The following RPS6KA2 variants were observed in gnomAD, a reference collection of about 807,000 sequenced individuals.
The protein encoded by RPS6KA2 is ribosomal protein S6 kinase A2, also known as ribosomal protein S6 kinase alpha-2.
RPS6KA2 carries 42 observed loss-of-function variants against 91.8 expected under a neutral mutation model. That is an observed-to-expected ratio of 0.46 (90% confidence interval 0.36 to 0.59). The LOEUF (loss-of-function observed/expected upper bound fraction) is 0.59, where lower values mean the gene tolerates loss of function less well. RPS6KA2 is among the 20% of genes least tolerant of loss of function. The pLI is 0.00. For missense variants in RPS6KA2, 798 were observed against 978.5 expected (o/e 0.82, Z 2.46); for synonymous variants, 414 against 393.6 (o/e 1.05, Z -0.61).
intron 1 of RPS6KA2, among the ~76,000 whole-genome samples, chr6:166,573,759 G>A (rs904671021): frequency 5.3e-5 from 8 of 152,256 alleles, no homozygotes; most frequent in African/African-American, 1.9e-4. Context: ...CATTGGCTGC[G>A]TGGTGAAACA....
chr6:166,822,788 CCAATGAATGAATGAAT>C (rs535776452), intron 2 of RPS6KA2, among the ~76,000 whole-genome samples: 1,997 of 112,074 alleles, frequency 0.018, 47 homozygotes, highest in African/African-American at 0.059. Context: ...CACGTGTTTT[CCAATGAATGAATGAAT>C]GAATGAATGA....
intron 2 of RPS6KA2, among the ~76,000 whole-genome samples, chr6:166,756,833 C>T (rs947904049): frequency 5.3e-5 from 8 of 151,912 alleles, no homozygotes; most frequent in African/African-American, 1.2e-4. Flanking sequence ...GCAACAACAG[C>T]GAAACTCCGT....
chr6:166,778,653 C>T (rs1329829363), intron 2 of RPS6KA2, among the ~76,000 whole-genome samples: 1 of 152,186 alleles, frequency 6.6e-6, no homozygotes, highest in Non-Finnish European at 1.5e-5. Context: ...ATAGTCCCAG[C>T]TACTCGGGAG....
intron 1 of RPS6KA2, among the ~76,000 whole-genome samples, chr6:166,546,812 G>A (rs1783842640): frequency 6.6e-6 from 1 of 152,200 alleles, no homozygotes; most frequent in Non-Finnish European, 1.5e-5. Flanking sequence ...ACCAGAATAA[G>A]TTGATGGCTG....
At chr6:166,747,968 G>A (rs543063680) in intron 2 of RPS6KA2, among the ~76,000 whole-genome samples, 4 of 152,236 alleles carry the variant, frequency 2.6e-5, no homozygotes, top group Admixed American at 1.3e-4. Flanking sequence ...GTGTGTGCTT[G>A]ACATTCTGCC....
chr6:166,597,487 G>T (rs1009487522), intron 1 of RPS6KA2, among the ~76,000 whole-genome samples: 5 of 152,240 alleles, frequency 3.3e-5, no homozygotes, highest in African/African-American at 1.2e-4. Flanking sequence ...CAGGGTGGAG[G>T]AGGAACTGGC....
chr6:166,486,874 G>C (rs1781431204), intron 10 of RPS6KA2, among the ~76,000 whole-genome samples: 1 of 151,754 alleles, frequency 6.6e-6, no homozygotes, highest in Admixed American at 6.6e-5. Flanking sequence ...GTGGGGGTGG[G>C]GATGCGCTAA....
rs144091725 is a variant in RPS6KA2 at position 166,477,996 on chromosome 6, C to T, written c.908-8091G>A. On this transcript the variant is annotated intron_variant, in intron 10 of 20. Transcript: ENST00000265678. ...GATCTGAATTGTTGGCTCTCATGTACGTTTGGATGAATAAATACGTCCAGC... is the reference window on the plus strand; with the variant it reads ...GATCTGAATTGTTGGCTCTCATGTATGTTTGGATGAATAAATACGTCCAGC... 1.5e-3 allele frequency among the ~76,000 whole-genome samples: 224 copies of T among 152,320 alleles called. 1 individual carries two copies. The highest frequency in any genetic ancestry group is 4.9e-3 in the African/African-American group (205 of 41,572).
chr6:166,812,419 C>T (rs183793744), intron 2 of RPS6KA2, among the ~76,000 whole-genome samples: 1 of 152,308 alleles, frequency 6.6e-6, no homozygotes, highest in Non-Finnish European at 1.5e-5. Context: ...CCCTGCCCTC[C>T]TCCCACAGCC....
chr6:166,445,707 C>T lies in RPS6KA2; in HGVS notation c.1332+3017G>A, dbSNP rs549455522. On this transcript the variant is annotated intron_variant, in intron 14 of 20. Coordinates refer to ENST00000265678, the MANE Select transcript of RPS6KA2 (RefSeq NM_021135.6). The surrounding 1 kb of genome is among the most constrained non-coding windows in gnomAD (Gnocchi z 4.5). ...TCGGTGGGGACATTTCTGGGTCATC[C>T]CTGCCATTGAATGGGAGGATGCCCT... is the stretch of plus-strand genomic sequence containing the variant. 6.7e-4 allele frequency among the ~76,000 whole-genome samples: 102 copies of T among 152,262 alleles called. No homozygotes were observed. Among genetic ancestry groups the T allele is most frequent in the African/African-American group, 2.4e-3 (101 of 41,540 alleles).
rs745891617 is a variant in RPS6KA2 at position 166,858,073 on chromosome 6, G to C, written c.123+127C>G. 22 of 727,972 alleles carry C rather than the reference G, an allele frequency of 3.0e-5. 1 individual carries two copies. Among genetic ancestry groups the C allele is most frequent in the South Asian group, 6.2e-5 (4 of 64,070 alleles). 45.1% of individuals were successfully genotyped at this position (727,972 alleles called of 1,614,324 possible). A position where few individuals can be genotyped will look rare whatever the true frequency, so the allele number is the denominator to read the frequency against. ...ACACGTTTGTGCATGTGTATGTATA[G>C]AGACACATATGTCACTAAAATAACT... On this transcript the variant is annotated intron_variant, in intron 2 of 21. Coordinates refer to the RPS6KA2 transcript ENST00000503859.
At chr6:166,787,582 A>C (rs960370484) in intron 2 of RPS6KA2, among the ~76,000 whole-genome samples, 2 of 152,162 alleles carry the variant, frequency 1.3e-5, no homozygotes, top group African/African-American at 4.8e-5. Flanking sequence ...AATTTATTTT[A>C]AGCATTTATA....
chr6:166,749,931 G>C (rs1050276090), intron 2 of RPS6KA2, among the ~76,000 whole-genome samples: 1 of 151,616 alleles, frequency 6.6e-6, no homozygotes, highest in Non-Finnish European at 1.5e-5. Context: ...GGGGAAGGGG[G>C]ATACTGAGTG....
rs568471500 is a variant in RPS6KA2 at position 166,494,938 on chromosome 6, C to T, written c.747+3570G>A. 4.6e-5 allele frequency among the ~76,000 whole-genome samples: 7 copies of T among 152,296 alleles called. No individual in the cohort carries two copies. The South Asian group carries it at 6.2e-4, about 14-fold the overall frequency. On this transcript the variant is annotated intron_variant, in intron 8 of 20. Transcript: ENST00000265678. This position sits in a 1 kb window ranked among gnomAD's most constrained non-coding sequence, Gnocchi z 5.1. ...CCGCTTACAAGGCTTGGGTAAGATA[C>T]GACTTCAAAGGTCACCCGAGGCCCA...
intron 2 of RPS6KA2, among the ~76,000 whole-genome samples, chr6:166,804,464 C>G (rs965818123): frequency 2.0e-5 from 3 of 151,206 alleles, no homozygotes; most frequent in African/African-American, 4.9e-5. Context: ...TTTGAACAAA[C>G]GATCTGTGCA....
chr6:166,554,116 T>TGGTG lies in RPS6KA2; in HGVS notation c.100-15336_100-15333dup. ...ATTTGGAATTTTCTAGTGCAGTTCT[T>TGGTG]GGTGCTGCCATCACTGAAGCAACTG... On this transcript the variant is annotated intron_variant, in intron 1 of 20. Transcript: ENST00000265678. The surrounding 1 kb of genome is among the most constrained non-coding windows in gnomAD (Gnocchi z 4.3). Among the ~76,000 whole-genome samples, 1 of 152,226 alleles carries TGGTG rather than the reference T, an allele frequency of 6.6e-6. No homozygotes were observed. The highest frequency in any genetic ancestry group is 3.2e-3 in the Middle Eastern group (1 of 316).
At chr6:166,578,477 C>A (rs1162157729) in intron 1 of RPS6KA2, among the ~76,000 whole-genome samples, 2 of 152,230 alleles carry the variant, frequency 1.3e-5, no homozygotes, top group Non-Finnish European at 2.9e-5. Context: ...CTTTGCTGTT[C>A]ACTTTTGCAA....
rs180926297 is a variant in RPS6KA2 at position 166,668,388 on chromosome 6, A to G, written c.124-129604T>C. The stretch of plus-strand genomic sequence containing the variant: ...TGTGGCCTTTTCCATTCCAAGCCAC[A>G]AGAGCGTCAGACGTGAGGCTGTGCT... On this transcript the variant is annotated intron_variant, in intron 2 of 21. Coordinates refer to the RPS6KA2 transcript ENST00000503859. Among the ~76,000 whole-genome samples the G allele has an allele frequency of 1.8e-4, 28 of 152,324 alleles. No individual in the cohort carries two copies. In the East Asian group the frequency reaches 5.2e-3, roughly 28 times the overall value.
At chr6:166,671,689 C>T (rs1043774961) in intron 2 of RPS6KA2, among the ~76,000 whole-genome samples, 5 of 152,106 alleles carry the variant, frequency 3.3e-5, no homozygotes, top group Admixed American at 6.5e-5. Context: ...ATCTACACAG[C>T]GCAGGGAAAA....
Sources: gnomAD v4.1 joint callset for allele counts (sites outside exome capture counted in the v4.1 genomes callset) on GRCh38, gnomAD v4.1.1 for gene constraint, Gnocchi (gnomAD v3.1) non-coding constraint, MANE v1.5 for transcripts, NCBI Gene and HGNC (gene_info 2026-07-23, HGNC 2026-07-21) for gene names.